PIP5K1A: variants seen among roughly 807,000 people sequenced by gnomAD.
The protein encoded by PIP5K1A is phosphatidylinositol 4-phosphate 5-kinase type-1 alpha.
A neutral mutation model predicts 72.9 loss-of-function variants in PIP5K1A; 46 were observed. The ratio of observed to expected loss-of-function variants is 0.63; its 90% CI spans 0.50 to 0.81. PIP5K1A has a LOEUF of 0.81. PIP5K1A is among the 30% of genes least tolerant of loss of function. The probability of loss-of-function intolerance (pLI) is 0.00; values close to 1 mark genes in which losing one functional copy is unlikely to be tolerated. For synonymous variants in PIP5K1A, 228 were observed against 255.1 expected (o/e 0.89, Z 1.01); for missense variants, 458 against 706.1 (o/e 0.65, Z 3.98).
intron 10 of PIP5K1A, chr1:151,238,594 A>T (rs1691215764): frequency 6.9e-6 from 2 of 289,526 alleles, no homozygotes; most frequent in Non-Finnish European, 1.3e-5. Context: ...CCACATGGGG[A>T]TACAACTGGA....
At chr1:151,244,541 A>G (rs980817066) in intron 14 of PIP5K1A, among the ~76,000 whole-genome samples, 11 of 152,190 alleles carry the variant, frequency 7.2e-5, no homozygotes, top group Non-Finnish European at 1.5e-5. Flanking sequence ...CTGTAGTCCA[A>G]GTTACTCAGG....
intron 14 of PIP5K1A, among the ~76,000 whole-genome samples, chr1:151,244,936 CTTT>C (rs971449862): frequency 1.5e-5 from 2 of 131,092 alleles, no homozygotes; most frequent in African/African-American, 2.8e-5. Flanking sequence ...GCTCAAAAGC[CTTT>C]TTTTTTTTTT....
chr1:151,246,705 G>T (rs1401939367), intron 14 of PIP5K1A, among the ~76,000 whole-genome samples: 1 of 152,104 alleles, frequency 6.6e-6, no homozygotes, highest in Non-Finnish European at 1.5e-5. Context: ...AGAGGGCAGG[G>T]TACTGGGAAA....
intron 4 of PIP5K1A, 62 bp from the exon 5 acceptor site, chr1:151,231,609 A>T (rs918956238): frequency 4.4e-5 from 65 of 1,485,470 alleles, no homozygotes; most frequent in Non-Finnish European, 6.0e-5. Context: ...CCCTTTCTGA[A>T]TTTTTATTGT....
Position 151,232,332 on chromosome 1 carries a change from G to T in PIP5K1A, c.453G>T (p.Arg151=), listed in dbSNP as rs1038045711. 3.7e-6 allele frequency: 6 copies of T among 1,613,970 alleles called. No individual in the cohort carries two copies. In the Admixed American group the frequency reaches 8.3e-5, roughly 22 times the overall value. Residue 151 remains arginine (R), a synonymous_variant, in exon 6 of 16, where the codon CGG becomes CGT. Coordinates refer to ENST00000368888, the MANE Select transcript of PIP5K1A (RefSeq NM_001135638.2). ...CACCTGTTGCCTTCCGCTACTTCCG[G>T]GAGCTATTTGGTATCCGGCCCGATG... ...TYAPVAFRYF[R]ELFGIRPDDY...
chr1:151,230,769 G>T (rs587621105), intron 4 of PIP5K1A, among the ~76,000 whole-genome samples: 1 of 152,296 alleles, frequency 6.6e-6, no homozygotes, highest in Non-Finnish European at 1.5e-5. Context: ...CGAACTCTTG[G>T]CCTAAAGTGG....
chr1:151,203,391 T>C (rs1685477359), intron 1 of PIP5K1A, among the ~76,000 whole-genome samples: 1 of 151,802 alleles, frequency 6.6e-6, no homozygotes, highest in Non-Finnish European at 1.5e-5. Context: ...TAGCCGGGTG[T>C]GGTGGCAGGC....
intron 14 of PIP5K1A, among the ~76,000 whole-genome samples, chr1:151,245,676 C>T (rs1280327601): frequency 2.0e-5 from 3 of 152,114 alleles, no homozygotes; most frequent in Non-Finnish European, 4.4e-5. Flanking sequence ...GCTGGGATTA[C>T]AAGCGTGCAC....
At chr1:151,217,206 C>T (rs1687770571) in intron 1 of PIP5K1A, among the ~76,000 whole-genome samples, 1 of 152,132 alleles carries the variant, frequency 6.6e-6, no homozygotes. Context: ...GCCATTGTGC[C>T]TAGCTGTAAA....
At chr1:151,198,039 C>T (rs587681771), upstream of PIP5K1A, 10 of 470,718 alleles carry the variant, frequency 2.1e-5, no homozygotes, top group Admixed American at 1.2e-4. Context: ...ATTTACTGAA[C>T]TCCGTCACTG....
chr1:151,243,430 A>G (rs955166404), intron 14 of PIP5K1A, among the ~76,000 whole-genome samples: 4 of 152,220 alleles, frequency 2.6e-5, no homozygotes, highest in Admixed American at 6.5e-5. Context: ...TACCTAGCAT[A>G]CAATGGTGAG....
chr1:151,241,077 C>T (rs1462999033), intron 12 of PIP5K1A, among the ~76,000 whole-genome samples: 1 of 151,384 alleles, frequency 6.6e-6, no homozygotes, highest in Non-Finnish European at 1.5e-5. Context: ...GCAGGAGAAT[C>T]ACTTGAACAC....
intron 1 of PIP5K1A, among the ~76,000 whole-genome samples, chr1:151,202,197 C>T (rs1685304467): frequency 6.6e-6 from 1 of 152,142 alleles, no homozygotes. Flanking sequence ...TTGGCTATGA[C>T]ATTTTTGTTT....
rs190171948 is a variant in PIP5K1A at position 151,209,856 on chromosome 1, G to C, written c.85+10775G>C. Among the ~76,000 whole-genome samples the C allele has an allele frequency of 4.4e-3, 667 of 152,018 alleles. 6 individuals are homozygous for C. Among genetic ancestry groups the C allele is most frequent in the Middle Eastern group, 0.014 (4 of 294 alleles). On this transcript the variant is annotated intron_variant, in intron 1 of 15. Transcript: ENST00000368888. Reference sequence around the variant, plus strand: ...CAAAATGCTGGAGTTACAGGCGTGAGTCACCACGACTAGCCTGCATTTTTT... The same window carrying C: ...CAAAATGCTGGAGTTACAGGCGTGACTCACCACGACTAGCCTGCATTTTTT...
chr1:151,204,243 C>T (rs999809646), intron 1 of PIP5K1A, among the ~76,000 whole-genome samples: 4 of 152,178 alleles, frequency 2.6e-5, no homozygotes, highest in African/African-American at 9.7e-5. Context: ...ATGGCGCGAT[C>T]TCGGCTCACT....
intron 9 of PIP5K1A, 56 bp downstream of exon 9, chr1:151,236,819 T>C (rs868634386): frequency 1.1e-6 from 1 of 938,542 alleles, no homozygotes; most frequent in African/African-American, 2.1e-5. Flanking sequence ...CACTTTTCTT[T>C]TCTTTTTTTT....
rs587738272 is a variant in PIP5K1A, at chr1:151,211,138, G to T, written c.85+12057G>T. Among the ~76,000 whole-genome samples the T allele has an allele frequency of 2.6e-5, 4 of 152,274 alleles. No individual in the cohort carries two copies. In the South Asian group the frequency reaches 8.3e-4, roughly 32 times the overall value. On this transcript the variant is annotated intron_variant, in intron 1 of 15. Coordinates refer to ENST00000368888, the MANE Select transcript of PIP5K1A (RefSeq NM_001135638.2). ...TTCTGCTCTGAAAGTGCAGGGAGAG[G>T]CTGTGCTATTAAGGCCAACTCTGTT... is the stretch of plus-strand genomic sequence containing the variant.
rs908351742 is a variant in PIP5K1A at position 151,234,909 on chromosome 1, G to T, written c.939+413G>T. 5.3e-5 allele frequency among the ~76,000 whole-genome samples: 8 copies of T among 152,264 alleles called. No homozygotes were observed. The Middle Eastern group carries it at 0.014, about 259-fold the overall frequency. On this transcript the variant is annotated intron_variant, in intron 8 of 15. Transcript: ENST00000368888. The stretch of plus-strand genomic sequence containing the variant: ...CTTGGGCTTTCAATATCGATCTTCA[G>T]TCCATTTGCTGTTGCTCTCAATAGG...
chr1:151,211,731 G>A (rs1686828945), intron 1 of PIP5K1A, among the ~76,000 whole-genome samples: 1 of 151,832 alleles, frequency 6.6e-6, no homozygotes, highest in Non-Finnish European at 1.5e-5. Flanking sequence ...GCATGAACCC[G>A]GGAGGCGGAG....
Sources: gnomAD v4.1 joint callset for allele counts (sites outside exome capture counted in the v4.1 genomes callset) on GRCh38, gnomAD v4.1.1 for gene constraint, MANE v1.5 for transcripts, NCBI Gene and HGNC (gene_info 2026-07-23, HGNC 2026-07-21) for gene names.